The following HS6ST3 variants were observed in gnomAD, a reference collection of about 807,000 sequenced individuals.
HS6ST3 encodes the protein heparan sulfate 6-O-sulfotransferase 3, also known as heparan-sulfate 6-O-sulfotransferase 3.
HS6ST3 carries 12 observed loss-of-function variants against 36.7 expected under a neutral mutation model. The observed-to-expected ratio is 0.33, with a 90% CI of 0.21 to 0.53. The LOEUF is 0.53. Ranked by LOEUF, HS6ST3 falls within the 20% of genes least tolerant of loss-of-function variation. HS6ST3 has a pLI of 0.95. For synonymous variants in HS6ST3, 240 were observed against 257.5 expected (o/e 0.93, Z 0.65); for missense variants, 584 against 640.9 (o/e 0.91, Z 0.96).
At chr13:96,471,684 G>T (rs544150684) in intron 1 of HS6ST3, among the ~76,000 whole-genome samples, 1 of 152,090 alleles carries the variant, frequency 6.6e-6, no homozygotes, top group South Asian at 2.1e-4. Flanking sequence ...GACACAATGG[G>T]ATATATTATT....
chr13:96,231,107 C>T (rs772629059), intron 1 of HS6ST3, among the ~76,000 whole-genome samples: 7 of 152,014 alleles, frequency 4.6e-5, no homozygotes, highest in Non-Finnish European at 7.4e-5. Context: ...GAGGGGCTGC[C>T]TCAGTGAAAC....
At chr13:96,483,366 G>A (rs923792036) in intron 1 of HS6ST3, among the ~76,000 whole-genome samples, 16 of 152,142 alleles carry the variant, frequency 1.1e-4, no homozygotes, top group Non-Finnish European at 8.8e-5. Context: ...TTGATGAACT[G>A]AAAGGAGGAG....
At chr13:96,657,146 C>T (rs914851163) in intron 1 of HS6ST3, among the ~76,000 whole-genome samples, 3 of 151,926 alleles carry the variant, frequency 2.0e-5, no homozygotes, top group Admixed American at 2.0e-4. Context: ...TATTCAGCAC[C>T]AACAGAGATG....
At chr13:96,741,332 A>T (rs576128292) in intron 1 of HS6ST3, among the ~76,000 whole-genome samples, 1 of 152,208 alleles carries the variant, frequency 6.6e-6, no homozygotes, top group Non-Finnish European at 1.5e-5. Context: ...TTCTTGGTAC[A>T]ACTTCATAGG....
chr13:96,832,215 C>T (rs140183184), intron 1 of HS6ST3, among the ~76,000 whole-genome samples: 15 of 152,178 alleles, frequency 9.9e-5, no homozygotes, highest in African/African-American at 2.7e-4. Context: ...AATTGCTGAA[C>T]GAATGAATGA....
chr13:96,357,776 C>G (rs1305667690), intron 1 of HS6ST3, among the ~76,000 whole-genome samples: 2 of 152,108 alleles, frequency 1.3e-5, no homozygotes, highest in Non-Finnish European at 2.9e-5. Flanking sequence ...CCTGCCTTGG[C>G]CTCTTAAAGT....
chr13:96,098,235 A>G (rs1001968054), intron 1 of HS6ST3, among the ~76,000 whole-genome samples: 1 of 152,156 alleles, frequency 6.6e-6, no homozygotes, highest in Admixed American at 6.5e-5. Flanking sequence ...TGTGCTTTAG[A>G]AAAAAATCAG....
chr13:96,264,292 C>A (rs896432724), intron 1 of HS6ST3, among the ~76,000 whole-genome samples: 1 of 152,124 alleles, frequency 6.6e-6, no homozygotes, highest in Non-Finnish European at 1.5e-5. Context: ...TGGGTGAGAT[C>A]TCCAGAATAA....
intron 1 of HS6ST3, among the ~76,000 whole-genome samples, chr13:96,811,999 G>A (rs1373025968): frequency 6.6e-6 from 1 of 152,082 alleles, no homozygotes; most frequent in African/African-American, 2.4e-5. Context: ...GGGGGTTGGG[G>A]TGGGATGTAT....
At chr13:96,523,083 C>T (rs2056100030) in intron 1 of HS6ST3, among the ~76,000 whole-genome samples, 1 of 152,076 alleles carries the variant, frequency 6.6e-6, no homozygotes, top group Non-Finnish European at 1.5e-5. Context: ...TTATCATTTG[C>T]TTGTCTGTAA....
At chr13:96,400,565 G>A (rs982526041) in intron 1 of HS6ST3, among the ~76,000 whole-genome samples, 2 of 152,082 alleles carry the variant, frequency 1.3e-5, no homozygotes, top group African/African-American at 2.4e-5. Context: ...TGGGCACTGG[G>A]GAGTTGGTAA....
At chr13:96,470,312 G>A (rs2055834379) in intron 1 of HS6ST3, among the ~76,000 whole-genome samples, 1 of 152,074 alleles carries the variant, frequency 6.6e-6, no homozygotes, top group African/African-American at 2.4e-5. Flanking sequence ...GGATGGCAAA[G>A]CATTTCCCCC....
chr13:96,179,752 T>C (rs2054230506), intron 1 of HS6ST3, among the ~76,000 whole-genome samples: 1 of 152,162 alleles, frequency 6.6e-6, no homozygotes, highest in African/African-American at 2.4e-5. Flanking sequence ...AGATTAGGAA[T>C]AGCAATCATT....
In HS6ST3 at chr13:96,799,998, G is replaced by GTATA. The variant is rs374525350; in HGVS notation, c.708-32480_708-32477dup. On this transcript the variant is annotated intron_variant, in intron 1 of 1. Coordinates refer to ENST00000376705, the MANE Select transcript of HS6ST3 (RefSeq NM_153456.4). ...TATATATATGTATATATATATATATGTATATATATATATATGTATATATAT... is the reference window on the plus strand; with the variant it reads ...TATATATATGTATATATATATATATGTATATATATATATATATATGTATATATAT... Among the ~76,000 whole-genome samples the GTATA allele has an allele frequency of 3.2e-3, 243 of 75,268 alleles. 6 individuals carry two copies. The highest frequency in any genetic ancestry group is 7.7e-3 in the East Asian group (24 of 3,112). The allele number at this position is 75,268 out of a possible 152,430, so 49.4% of individuals were successfully genotyped here.
chr13:96,346,532 G>A (rs1389807708), intron 1 of HS6ST3, among the ~76,000 whole-genome samples: 1 of 150,500 alleles, frequency 6.6e-6, no homozygotes, highest in Non-Finnish European at 1.5e-5. Flanking sequence ...CCGAGATCGC[G>A]CCACTGCACT....
At position 96,442,873 on chromosome 13, in the gene HS6ST3, C is replaced by G. The variant is rs931384366; in HGVS notation, c.707+351304C>G. 2.0e-5 allele frequency among the ~76,000 whole-genome samples: 3 copies of G among 150,038 alleles called. No individual in the cohort carries two copies. The East Asian group carries it at 5.9e-4, about 29-fold the overall frequency. On this transcript the variant is annotated intron_variant, in intron 1 of 1. Coordinates refer to ENST00000376705, the MANE Select transcript of HS6ST3 (RefSeq NM_153456.4). ...CCACTGAAATTCTAGGAATAACAAA[C>G]AGCTTTACAAGAAAAATCTTGGTCC...
At chr13:96,224,452 G>T (rs1489069773) in intron 1 of HS6ST3, among the ~76,000 whole-genome samples, 2 of 152,074 alleles carry the variant, frequency 1.3e-5, no homozygotes, top group Non-Finnish European at 2.9e-5. Flanking sequence ...CTGCAGAGTA[G>T]CTGGGACCAT....
intron 1 of HS6ST3, among the ~76,000 whole-genome samples, chr13:96,339,399 A>C (rs1429662454): frequency 6.6e-6 from 1 of 152,144 alleles, no homozygotes; most frequent in Non-Finnish European, 1.5e-5. Context: ...AAATAGCCTG[A>C]GTTATCAGGA....
chr13:96,401,362 C>G lies in HS6ST3; in HGVS notation c.707+309793C>G, dbSNP rs374588730. Among the ~76,000 whole-genome samples, 13 of 152,254 alleles carry G rather than the reference C, an allele frequency of 8.5e-5. No individual in the cohort carries two copies. The South Asian group carries it at 2.7e-3, about 32-fold the overall frequency. On this transcript the variant is annotated intron_variant, in intron 1 of 1. Coordinates refer to ENST00000376705, the MANE Select transcript of HS6ST3 (RefSeq NM_153456.4). ...TTTGTTTTCTCATCATCCAAGACAC[C>G]ATTCAAAATGTCAGCTGTGTCAGGT...
Sources: gnomAD v4.1 joint callset for allele counts (sites outside exome capture counted in the v4.1 genomes callset) on GRCh38, gnomAD v4.1.1 for gene constraint, MANE v1.5 for transcripts, NCBI Gene and HGNC (gene_info 2026-07-23, HGNC 2026-07-21) for gene names.